Variants in LRRC18 observed in about 807,000 individuals in gnomAD.
LRRC18 encodes the protein leucine rich repeat containing 18.
LRRC18 carries 12 observed loss-of-function variants against 11.2 expected under a neutral mutation model. That is an observed-to-expected ratio of 1.07 (90% CI 0.69 to 1.74). LRRC18 has a LOEUF of 1.74. LRRC18 is among the 40% of genes most tolerant of loss of function. The pLI, the probability that LRRC18 is intolerant of heterozygous loss-of-function variation, is 0.00. For synonymous variants in LRRC18, 155 were observed against 130.6 expected, an observed-to-expected ratio of 1.19 and a Z score of -1.27; for missense variants, 374 against 330.5, an observed-to-expected ratio of 1.13 and a Z score of -1.02.
chr10:48,919,438 T>C, the LRRC18 span, among the ~76,000 whole-genome samples: 1 of 152,258 alleles, frequency 6.6e-6, no homozygotes, highest in East Asian at 1.9e-4. Flanking sequence ...AGTCTTATTG[T>C]TAAATTCTAT....
At chr10:48,924,279 G>A in the LRRC18 span, among the ~76,000 whole-genome samples, 1 of 152,176 alleles carries the variant, frequency 6.6e-6, no homozygotes, top group African/African-American at 2.4e-5. Flanking sequence ...GTGTTGTGTG[G>A]CTCAGGGTCC....
chr10:48,937,420 G>C, the LRRC18 span, among the ~76,000 whole-genome samples: 1 of 152,164 alleles, frequency 6.6e-6, no homozygotes, highest in African/African-American at 2.4e-5. Context: ...GTCCTGGCAG[G>C]TGCTCTGAAC....
chr10:48,933,253 T>C, the LRRC18 span, among the ~76,000 whole-genome samples: 4 of 152,186 alleles, frequency 2.6e-5, no homozygotes, highest in Admixed American at 1.3e-4. Flanking sequence ...TTCCCATATC[T>C]TTTCCTTCCT....
the LRRC18 span, among the ~76,000 whole-genome samples, chr10:48,937,012 C>T: frequency 5.3e-5 from 8 of 151,664 alleles, no homozygotes; most frequent in East Asian, 2.0e-4. Flanking sequence ...CTTCACCTCC[C>T]GGGTTCGAGT....
the LRRC18 span, among the ~76,000 whole-genome samples, chr10:48,936,679 T>C: frequency 4.0e-5 from 6 of 151,476 alleles, no homozygotes; most frequent in East Asian, 9.8e-4. Context: ...CTACTAAAAA[T>C]ACAAAAACAT....
the LRRC18 span, among the ~76,000 whole-genome samples, chr10:48,926,793 A>G: frequency 6.6e-6 from 1 of 152,226 alleles, no homozygotes; most frequent in Non-Finnish European, 1.5e-5. Flanking sequence ...AGAAAGAGAA[A>G]CAGTTTATGG....
chr10:48,924,056 A>T, the LRRC18 span, among the ~76,000 whole-genome samples: 1 of 152,184 alleles, frequency 6.6e-6, no homozygotes, highest in Non-Finnish European at 1.5e-5. Context: ...GCCTCTCTCC[A>T]AAGGGCCCTT....
At chr10:48,910,753 A>G (rs903656863) in intron 1 of LRRC18, 1 of 178,302 alleles carries the variant, frequency 5.6e-6, no homozygotes, top group African/African-American at 2.4e-5. Context: ...AAAGCCCCAG[A>G]GCAAGGCTGG....
exon 2 of LRRC18, chr10:48,910,122 C>T (rs1564472429): frequency 1.5e-5 from 15 of 1,013,730 alleles, no homozygotes; most frequent in Non-Finnish European, 2.3e-5. Context: ...TCCGGCGAGC[C>T]TGGTTTCCAG....
the LRRC18 span, among the ~76,000 whole-genome samples, chr10:48,930,435 C>G: frequency 1.8e-4 from 28 of 152,306 alleles, no homozygotes; most frequent in African/African-American, 6.5e-4. Context: ...ACCATGAGAA[C>G]AAGTGCACTA....
the LRRC18 span, among the ~76,000 whole-genome samples, chr10:48,923,275 C>T: frequency 1.3e-5 from 2 of 151,878 alleles, no homozygotes; most frequent in African/African-American, 4.8e-5. Context: ...TTGTGTACCA[C>T]AGGGAACAGA....
chr10:48,919,877 T>C, the LRRC18 span, among the ~76,000 whole-genome samples: 1 of 150,850 alleles, frequency 6.6e-6, no homozygotes, highest in Non-Finnish European at 1.5e-5. Context: ...CAAAAAAAAA[T>C]AGAATAGAGA....
the LRRC18 span, among the ~76,000 whole-genome samples, chr10:48,933,036 G>C: frequency 3.3e-5 from 5 of 152,174 alleles, no homozygotes; most frequent in Non-Finnish European, 7.3e-5. Context: ...AGGCAGCAGA[G>C]GCAGGGAAGG....
At chr10:48,924,648 G>A in the LRRC18 span, among the ~76,000 whole-genome samples, 1 of 152,094 alleles carries the variant, frequency 6.6e-6, no homozygotes, top group South Asian at 2.1e-4. Context: ...GGAAAAAGTG[G>A]CCCAGTTGGT....
At chr10:48,909,965 T>C in exon 2 of LRRC18, 1 of 495,128 alleles carries the variant, frequency 2.0e-6, no homozygotes. Flanking sequence ...TTGTCTATAA[T>C]ATATAATCTG....
At chr10:48,911,663 A>G (rs1838015519) in intron 1 of LRRC18, among the ~76,000 whole-genome samples, 1 of 152,232 alleles carries the variant, frequency 6.6e-6, no homozygotes, top group South Asian at 2.1e-4. Context: ...AATTTTAACT[A>G]TGTATAAAAA....
At chr10:48,935,841 G>A in the LRRC18 span, among the ~76,000 whole-genome samples, 2 of 151,202 alleles carry the variant, frequency 1.3e-5, no homozygotes, top group East Asian at 1.9e-4. Context: ...TGCTTTTCCT[G>A]CTGTTTCCAG....
In LRRC18 at chr10:48,913,293, C is replaced by T; in HGVS notation, c.764+99G>A. 1.5e-5 allele frequency: 17 copies of T among 1,140,582 alleles called. 1 individual carries two copies. In the South Asian group the frequency reaches 2.5e-4, roughly 17 times the overall value. 70.7% of individuals were successfully genotyped at this position (1,140,582 alleles called of 1,614,324 possible). ...ATGGGCTTGGCTGAAAGAGCTGCTG[C>T]AGCCACAGGGGAGCCCTTGGTTTCC... is the stretch of plus-strand genomic sequence containing the variant. On this transcript the variant is annotated intron_variant, in intron 1 of 1. Transcript: ENST00000374160.
the LRRC18 span, among the ~76,000 whole-genome samples, chr10:48,924,871 T>C: frequency 6.6e-6 from 1 of 152,270 alleles, no homozygotes; most frequent in African/African-American, 2.4e-5. Context: ...TTGACTACAA[T>C]TTTAAGCAGA....
Sources: gnomAD v4.1 joint callset for allele counts (sites outside exome capture counted in the v4.1 genomes callset) on GRCh38, gnomAD v4.1.1 for gene constraint, MANE v1.5 for transcripts, NCBI Gene and HGNC (gene_info 2026-07-23, HGNC 2026-07-21) for gene names.